SNTG1: variants seen among roughly 807,000 people sequenced by gnomAD.
The protein encoded by SNTG1 is syntrophin gamma 1.
SNTG1 carries 39 observed loss-of-function variants against 74.7 expected under a neutral mutation model. That is an observed-to-expected ratio of 0.52 (90% CI 0.40 to 0.68). The LOEUF (loss-of-function observed/expected upper bound fraction) is 0.68, where lower values mean the gene tolerates loss of function less well. SNTG1 is among the 30% of genes least tolerant of loss of function. The pLI is 0.00. For synonymous variants in SNTG1, 254 were observed against 217.1 expected, an observed-to-expected ratio of 1.17 and a Z score of -1.49; for missense variants, 685 against 609.5, an observed-to-expected ratio of 1.12 and a Z score of -1.30.
intron 2 of SNTG1, among the ~76,000 whole-genome samples, chr8:50,307,933 C>T (rs71511990): frequency 0.031 from 4,670 of 152,082 alleles, 100 homozygotes; most frequent in Non-Finnish European, 0.044. Flanking sequence ...TCTGAGATGT[C>T]CTGGATCTGT....
chr8:50,700,518 C>G (rs955925491), intron 15 of SNTG1, among the ~76,000 whole-genome samples: 8 of 152,150 alleles, frequency 5.3e-5, no homozygotes, highest in African/African-American at 1.7e-4. Context: ...AGAGTCTATG[C>G]TGCCCCCTTC....
chr8:50,782,755 CG>C (rs1326371352), intron 18 of SNTG1, among the ~76,000 whole-genome samples: 17 of 152,184 alleles, frequency 1.1e-4, no homozygotes, highest in African/African-American at 4.1e-4. Context: ...TGAGGAGCTG[CG>C]TTCCTTTGGA....
chr8:50,079,977 A>G (rs1202248151), intron 1 of SNTG1, among the ~76,000 whole-genome samples: 1 of 152,186 alleles, frequency 6.6e-6, no homozygotes, highest in African/African-American at 2.4e-5. Flanking sequence ...GAAGTCAGGT[A>G]GTGTGATACC....
intron 4 of SNTG1, among the ~76,000 whole-genome samples, chr8:50,425,689 G>T (rs2093155073): frequency 6.6e-6 from 1 of 152,088 alleles, no homozygotes; most frequent in Non-Finnish European, 1.5e-5. Flanking sequence ...AAAAAGGTTA[G>T]GGACTGCTAT....
chr8:50,585,639 A>C (rs1345818458), intron 12 of SNTG1, among the ~76,000 whole-genome samples: 2 of 152,146 alleles, frequency 1.3e-5, no homozygotes, highest in African/African-American at 4.8e-5. Flanking sequence ...AAGAGTAGAA[A>C]ATTTTTAAAA....
At chr8:50,782,499 G>C (rs1408508897) in intron 18 of SNTG1, among the ~76,000 whole-genome samples, 1 of 151,944 alleles carries the variant, frequency 6.6e-6, no homozygotes, top group African/African-American at 2.4e-5. Context: ...GATCGCATTG[G>C]CTCCTGAGGC....
At position 50,266,680 on chromosome 8, in the gene SNTG1, G is replaced by GTA. The variant is rs1247350057; in HGVS notation, c.-28+94046_-28+94047insAT. ...TGTGTGTGTGTGTGTGTGTGTGTGT[G>GTA]TGTGTATATATATATATATGAATGA... On this transcript the variant is annotated intron_variant, in intron 2 of 18. Coordinates refer to ENST00000642720, the MANE Select transcript of SNTG1 (RefSeq NM_018967.5). Among the ~76,000 whole-genome samples, 366 of 136,778 alleles carry GTA rather than the reference G, an allele frequency of 2.7e-3. 6 individuals are homozygous for GTA. Among genetic ancestry groups the GTA allele is most frequent in the African/African-American group, 1.0e-2 (350 of 35,094 alleles). 89.7% of individuals were successfully genotyped at this position (136,778 alleles called of 152,430 possible). A position where few individuals can be genotyped will look rare whatever the true frequency, so the allele number is the denominator to read the frequency against.
chr8:50,791,186 G>C (rs1165742963), intron 18 of SNTG1, among the ~76,000 whole-genome samples: 2 of 151,832 alleles, frequency 1.3e-5, no homozygotes, highest in Admixed American at 1.3e-4. Flanking sequence ...GATTTCCAGG[G>C]TGAGTTAAGG....
intron 1 of SNTG1, among the ~76,000 whole-genome samples, chr8:50,134,066 G>A (rs973741248): frequency 6.6e-6 from 1 of 152,094 alleles, no homozygotes; most frequent in Admixed American, 6.6e-5. Flanking sequence ...AGGGCTATTG[G>A]GGCAGGGGCT....
chr8:50,027,389 A>T (rs925664936), intron 1 of SNTG1, among the ~76,000 whole-genome samples: 7 of 152,136 alleles, frequency 4.6e-5, no homozygotes, highest in Admixed American at 4.6e-4. Flanking sequence ...GCGTTGAACA[A>T]TGTCTTCCAA....
chr8:50,099,867 A>G (rs187658096), intron 1 of SNTG1, among the ~76,000 whole-genome samples: 67 of 152,156 alleles, frequency 4.4e-4, no homozygotes, highest in Non-Finnish European at 1.6e-4. Flanking sequence ...AGTTCCTTGT[A>G]TATTTTGGAT....
chr8:50,506,136 T>TAA (rs2094004419), intron 9 of SNTG1, among the ~76,000 whole-genome samples: 1 of 152,084 alleles, frequency 6.6e-6, no homozygotes, highest in Non-Finnish European at 1.5e-5. Context: ...AACCTTAACA[T>TAA]GTTTGTTTAA....
At chr8:50,632,277 CTT>C (rs2095004412) in intron 13 of SNTG1, among the ~76,000 whole-genome samples, 1 of 143,678 alleles carries the variant, frequency 7.0e-6, no homozygotes, top group Admixed American at 6.9e-5. Flanking sequence ...TTTTAATAGT[CTT>C]TTTAATTTTA....
At chr8:50,790,725 C>T (rs2095688478) in intron 18 of SNTG1, among the ~76,000 whole-genome samples, 1 of 151,206 alleles carries the variant, frequency 6.6e-6, no homozygotes, top group African/African-American at 2.4e-5. Context: ...TTCCCGTCTA[C>T]CATTACTTCA....
chr8:50,574,846 A>G (rs907561898), intron 12 of SNTG1, among the ~76,000 whole-genome samples: 1 of 152,184 alleles, frequency 6.6e-6, no homozygotes, highest in Non-Finnish European at 1.5e-5. Context: ...GCATAAGAAC[A>G]TGAATTTTTT....
intron 9 of SNTG1, among the ~76,000 whole-genome samples, chr8:50,528,965 G>T (rs1223962551): frequency 6.7e-6 from 1 of 149,502 alleles, no homozygotes; most frequent in East Asian, 2.0e-4. Context: ...GGTTCAATTT[G>T]CTCCTCCATT....
chr8:50,740,030 C>T (rs1389506431), intron 17 of SNTG1, among the ~76,000 whole-genome samples: 1 of 151,968 alleles, frequency 6.6e-6, no homozygotes, highest in Non-Finnish European at 1.5e-5. Flanking sequence ...TGGAATACAG[C>T]CTAGGCAATA....
intron 11 of SNTG1, among the ~76,000 whole-genome samples, chr8:50,543,811 T>C (rs1205225095): frequency 1.3e-5 from 2 of 152,118 alleles, no homozygotes; most frequent in Non-Finnish European, 2.9e-5. Context: ...GCACCAACAA[T>C]GTAGGAATGA....
chr8:50,645,989 C>A (rs1026152459), intron 13 of SNTG1, among the ~76,000 whole-genome samples: 1 of 151,952 alleles, frequency 6.6e-6, no homozygotes, highest in Non-Finnish European at 1.5e-5. Flanking sequence ...AACATTGCAG[C>A]ACTTTGTAAA....
Sources: allele counts gnomAD v4.1 joint callset (sites outside exome capture counted in the v4.1 genomes callset), GRCh38; gene constraint gnomAD v4.1.1; transcripts MANE v1.5; gene names NCBI Gene and HGNC (gene_info 2026-07-23, HGNC 2026-07-21).